SH3RF3: variants seen among roughly 807,000 people sequenced by gnomAD.
SH3RF3 encodes the protein E3 ubiquitin-protein ligase SH3RF3.
A neutral mutation model predicts 66.3 loss-of-function variants in SH3RF3; 29 were observed. The observed-to-expected ratio is 0.44, with a 90% CI of 0.33 to 0.60. The LOEUF (loss-of-function observed/expected upper bound fraction) is 0.60. SH3RF3 is among the 20% of genes least tolerant of loss of function. The pLI, the probability that SH3RF3 is intolerant of heterozygous loss-of-function variation, is 0.04. For synonymous variants in SH3RF3, 583 were observed against 532.0 expected (o/e 1.10, Z -1.32); for missense variants, 1,194 against 1,190.9 (o/e 1.00, Z -0.04).
At chr2:109,405,130 G>A (rs1281743101) in intron 4 of SH3RF3, among the ~76,000 whole-genome samples, 2 of 151,424 alleles carry the variant, frequency 1.3e-5, no homozygotes, top group Non-Finnish European at 2.9e-5. Flanking sequence ...CCCAGCCAAC[G>A]TCACCTGCCA....
chr2:109,392,739 T>C (rs1676036805), intron 3 of SH3RF3, among the ~76,000 whole-genome samples: 1 of 151,890 alleles, frequency 6.6e-6, no homozygotes, highest in African/African-American at 2.4e-5. Flanking sequence ...ATGGTCTTGA[T>C]CTCCTGACCT....
chr2:109,501,647 G>T lies in SH3RF3; in HGVS notation c.2625G>T (p.Pro875=). The T allele has an allele frequency of 1.3e-6, 1 of 773,628 alleles. No individual in the cohort carries two copies. 47.9% of individuals were successfully genotyped at this position (773,628 alleles called of 1,614,324 possible). Residue 875 remains proline (P), a synonymous_variant, in exon 10 of 10, where the codon CCG becomes CCT. Coordinates refer to ENST00000309415, the MANE Select transcript of SH3RF3 (RefSeq NM_001099289.3). ...GGAACGGCCGCACAGGCCTCTTCCCGGGCAGCTTCGTCGAGAGCTTCTGAG... is the reference window on the plus strand; with the variant it reads ...GGAACGGCCGCACAGGCCTCTTCCCTGGCAGCTTCGTCGAGAGCTTCTGAG... ...LQRNGRTGLF[P]GSFVESF
At chr2:109,241,605 G>A (rs1313025220) in intron 1 of SH3RF3, among the ~76,000 whole-genome samples, 2 of 151,992 alleles carry the variant, frequency 1.3e-5, no homozygotes, top group African/African-American at 2.4e-5. Context: ...GGCTTGGTTC[G>A]GTCAGCTCTG....
intron 1 of SH3RF3, among the ~76,000 whole-genome samples, chr2:109,269,450 C>A (rs74403238): frequency 3.3e-5 from 5 of 152,182 alleles, no homozygotes; most frequent in Non-Finnish European, 7.3e-5. Flanking sequence ...ATCCAGCCCC[C>A]CTTTCTTCTG....
chr2:109,303,894 A>G (rs1478234005), intron 1 of SH3RF3, among the ~76,000 whole-genome samples: 2 of 152,018 alleles, frequency 1.3e-5, no homozygotes, highest in African/African-American at 2.4e-5. Context: ...CATTGTTATT[A>G]TTTTTGGTAA....
chr2:109,395,588 G>A (rs1014876691), intron 3 of SH3RF3, among the ~76,000 whole-genome samples: 1 of 152,188 alleles, frequency 6.6e-6, no homozygotes, highest in African/African-American at 2.4e-5. Flanking sequence ...ACCGGCCTTC[G>A]GCTGGGGTTG....
At chr2:109,192,838 A>G (rs539263861) in intron 1 of SH3RF3, among the ~76,000 whole-genome samples, 26 of 152,326 alleles carry the variant, frequency 1.7e-4, no homozygotes, top group African/African-American at 5.1e-4. Context: ...TTGATTCACC[A>G]TACATTTCTC....
At chr2:109,257,457 C>G (rs1247325592) in intron 1 of SH3RF3, among the ~76,000 whole-genome samples, 1 of 151,890 alleles carries the variant, frequency 6.6e-6, no homozygotes, top group Non-Finnish European at 1.5e-5. Flanking sequence ...GGAAGAAGCC[C>G]CATGGCTTTC....
chr2:109,256,798 T>C (rs1680232633), intron 1 of SH3RF3, among the ~76,000 whole-genome samples: 1 of 152,224 alleles, frequency 6.6e-6, no homozygotes, highest in African/African-American at 2.4e-5. Context: ...GATTTTTATT[T>C]CAGGGTCTCT....
At chr2:109,336,848 G>A (rs566103069) in intron 1 of SH3RF3, among the ~76,000 whole-genome samples, 4 of 152,268 alleles carry the variant, frequency 2.6e-5, no homozygotes, top group Admixed American at 2.6e-4. Flanking sequence ...TGCTCCAACC[G>A]TATCCGTCAA....
intron 2 of SH3RF3, among the ~76,000 whole-genome samples, chr2:109,352,871 G>A (rs565136805): frequency 6.6e-6 from 1 of 152,364 alleles, no homozygotes; most frequent in South Asian, 2.1e-4. Context: ...AGGGAGTTTG[G>A]ATAAACTGCA....
At chr2:109,220,282 G>A (rs1317449839) in intron 1 of SH3RF3, among the ~76,000 whole-genome samples, 1 of 152,026 alleles carries the variant, frequency 6.6e-6, no homozygotes, top group Non-Finnish European at 1.5e-5. Context: ...ACTCAAAATG[G>A]GTTAAAGATC....
chr2:109,377,656 A>G (rs1020543764), intron 3 of SH3RF3, among the ~76,000 whole-genome samples: 2 of 152,198 alleles, frequency 1.3e-5, no homozygotes, highest in African/African-American at 4.8e-5. Context: ...TATAATACCC[A>G]GAAAAATAGC....
At chr2:109,465,120 C>T (rs13391142) in intron 8 of SH3RF3, among the ~76,000 whole-genome samples, 4,429 of 152,270 alleles carry the variant, frequency 0.029, 95 homozygotes, top group Middle Eastern at 0.071. Flanking sequence ...TGTGCATTTA[C>T]GTTTCCTCCA....
chr2:109,293,597 T>G (rs186359516), intron 1 of SH3RF3, among the ~76,000 whole-genome samples: 2 of 152,378 alleles, frequency 1.3e-5, no homozygotes, highest in African/African-American at 4.8e-5. Flanking sequence ...CTGGGAAGCC[T>G]CTTCCTGAAA....
At chr2:109,188,147 T>C (rs993874625) in intron 1 of SH3RF3, among the ~76,000 whole-genome samples, 3 of 152,230 alleles carry the variant, frequency 2.0e-5, no homozygotes, top group African/African-American at 7.2e-5. Flanking sequence ...AAATATGACT[T>C]ACAGCAGTGT....
At chr2:109,199,647 T>TCAACC (rs1678611297) in intron 1 of SH3RF3, among the ~76,000 whole-genome samples, 2 of 22 alleles carry the variant, frequency 0.091, 1 homozygote. Context: ...TGGAATGGAA[T>TCAACC]GGAATGGAAT....
chr2:109,136,410 G>C (rs745556257), intron 1 of SH3RF3, among the ~76,000 whole-genome samples: 1 of 152,116 alleles, frequency 6.6e-6, no homozygotes, highest in South Asian at 2.1e-4. Flanking sequence ...AAAAGAACAG[G>C]GTGTCGAGCT....
chr2:109,321,908 G>A (rs1232020117), intron 1 of SH3RF3, among the ~76,000 whole-genome samples: 1 of 152,222 alleles, frequency 6.6e-6, no homozygotes, highest in African/African-American at 2.4e-5. Flanking sequence ...AGGACTTCAG[G>A]ACTTCTCTGA....
Sources: allele counts gnomAD v4.1 joint callset (sites outside exome capture counted in the v4.1 genomes callset), GRCh38; gene constraint gnomAD v4.1.1; transcripts MANE v1.5; gene names NCBI Gene and HGNC (gene_info 2026-07-23, HGNC 2026-07-21).